RPS6KA5: variants seen among roughly 807,000 people sequenced by gnomAD.
RPS6KA5 encodes ribosomal protein S6 kinase A5, also known as ribosomal protein S6 kinase alpha-5.
In RPS6KA5, 27 loss-of-function variants were observed where a neutral mutation model predicts 85.5. That is an observed-to-expected ratio of 0.32 (90% CI 0.23 to 0.44). The LOEUF (loss-of-function observed/expected upper bound fraction) is 0.44, where lower values mean the gene tolerates loss of function less well. Among genes scored for constraint, RPS6KA5 ranks in the 20% least tolerant of loss-of-function variants. The pLI, the probability that RPS6KA5 is intolerant of heterozygous loss-of-function variation, is 1.00. For missense variants in RPS6KA5, 811 were observed against 980.9 expected, an observed-to-expected ratio of 0.83 and a Z score of 2.31; for synonymous variants, 334 against 348.2, an observed-to-expected ratio of 0.96 and a Z score of 0.46.
At position 90,962,588 on chromosome 14, in the gene RPS6KA5, A is replaced by C. The variant is rs570655809; in HGVS notation, c.395-15038T>G. Among the ~76,000 whole-genome samples, 741 of 147,460 alleles carry C rather than the reference A, an allele frequency of 5.0e-3. 3 individuals carry two copies. Among genetic ancestry groups the C allele is most frequent in the Middle Eastern group, 0.01 (3 of 288 alleles). On this transcript the variant is annotated intron_variant, in intron 3 of 16. Transcript: ENST00000614987. ...AGGAGTGAGCCACCATGCCCGGCCT[A>C]GATTTTTTTTTTTTTTGAGATAGGG... is the stretch of plus-strand genomic sequence containing the variant.
intron 5 of RPS6KA5, among the ~76,000 whole-genome samples, chr14:90,938,899 T>G (rs1440430827): frequency 6.6e-6 from 1 of 152,230 alleles, no homozygotes; most frequent in African/African-American, 2.4e-5. Context: ...CCACTTGTTA[T>G]AGTGATTAAC....
At chr14:90,879,427 G>C (rs989769589) in intron 14 of RPS6KA5, among the ~76,000 whole-genome samples, 2 of 152,242 alleles carry the variant, frequency 1.3e-5, no homozygotes, top group African/African-American at 4.8e-5. Context: ...ACTCAGCAAA[G>C]ATACCACCTG....
At chr14:91,036,683 T>C (rs1451629789) in intron 1 of RPS6KA5, among the ~76,000 whole-genome samples, 6 of 152,222 alleles carry the variant, frequency 3.9e-5, no homozygotes, top group African/African-American at 1.2e-4. Flanking sequence ...TGTGGGTAAC[T>C]GGAGCTCAAT....
At chr14:90,933,983 T>G (rs916316055) in intron 5 of RPS6KA5, among the ~76,000 whole-genome samples, 1 of 152,228 alleles carries the variant, frequency 6.6e-6, no homozygotes, top group Non-Finnish European at 1.5e-5. Context: ...ACTATCACCT[T>G]GGTGAAGCCT....
At chr14:90,905,192 T>G (rs1407606303) in intron 8 of RPS6KA5, among the ~76,000 whole-genome samples, 1 of 152,068 alleles carries the variant, frequency 6.6e-6, no homozygotes, top group Non-Finnish European at 1.5e-5. Context: ...AGAGCAGAGA[T>G]AACTCATTTC....
chr14:91,038,174 C>T (rs1349084965), intron 1 of RPS6KA5, among the ~76,000 whole-genome samples: 2 of 152,156 alleles, frequency 1.3e-5, no homozygotes, highest in Non-Finnish European at 2.9e-5. Flanking sequence ...GTTCAAGATT[C>T]TCAGGTCATC....
In RPS6KA5 at chr14:90,936,302, C is replaced by T. The variant is rs541790862; in HGVS notation, c.618+6776G>A. The stretch of plus-strand genomic sequence containing the variant: ...ATTATATGGGCTGGGCCTGGTGGCT[C>T]ATGCCTATAATCCCAGCACTTTGGG... On this transcript the variant is annotated intron_variant, in intron 5 of 16. Coordinates refer to ENST00000614987, the MANE Select transcript of RPS6KA5 (RefSeq NM_004755.4). 2.6e-5 allele frequency among the ~76,000 whole-genome samples: 4 copies of T among 152,306 alleles called. No homozygotes were observed. The South Asian group carries it at 8.3e-4, about 32-fold the overall frequency.
intron 1 of RPS6KA5, among the ~76,000 whole-genome samples, chr14:91,010,433 T>A (rs1033823598): frequency 6.6e-6 from 1 of 152,206 alleles, no homozygotes; most frequent in South Asian, 2.1e-4. Flanking sequence ...GGAGATTTCA[T>A]AGAGCCATAA....
At position 90,857,346 on chromosome 14, in the gene RPS6KA5, C is replaced by T. The variant is rs184197029; in HGVS notation, c.*14728G>A. The T allele has an allele frequency of 5.3e-4, 80 of 152,230 alleles. 1 individual carries two copies. The highest frequency in any genetic ancestry group is 1.9e-3 in the African/African-American group (79 of 41,556). 9.4% of individuals were successfully genotyped at this position (152,230 alleles called of 1,614,324 possible). A position where few individuals can be genotyped will look rare whatever the true frequency, so the allele number is the denominator to read the frequency against. ...ACCACCAAGCCATTTTTTGGTATCA[C>T]GAAGCATTTAATAAGTGCTTAGTTG... On this transcript the variant is annotated 3_prime_UTR_variant, in exon 17 of 17. Transcript: ENST00000614987.
chr14:90,908,689 C>T (rs2035642914), intron 7 of RPS6KA5, among the ~76,000 whole-genome samples: 1 of 152,172 alleles, frequency 6.6e-6, no homozygotes, highest in Admixed American at 6.5e-5. Flanking sequence ...AAAGTGATCC[C>T]AGATGTAACT....
chr14:91,044,357 AAGAAAGAGAAAGAAAGAAGG>A (rs2042744299), intron 1 of RPS6KA5, among the ~76,000 whole-genome samples: 1 of 18,448 alleles, frequency 5.4e-5, no homozygotes, highest in African/African-American at 1.6e-4. Context: ...GAAAGAAAGA[AAGAAAGAGAAAGAAAGAAGG>A]AAAGAAAGAA....
chr14:91,058,548 A>T (rs1022762016), intron 1 of RPS6KA5, among the ~76,000 whole-genome samples: 1 of 152,262 alleles, frequency 6.6e-6, no homozygotes, highest in East Asian at 1.9e-4. Context: ...GATTCCATAC[A>T]TATAAATCAG....
chr14:91,002,175 A>T (rs1330565580), intron 1 of RPS6KA5, among the ~76,000 whole-genome samples: 1 of 152,154 alleles, frequency 6.6e-6, no homozygotes, highest in African/African-American at 2.4e-5. Flanking sequence ...AGTTCCCAAT[A>T]ATGTAAAATG....
chr14:90,997,274 A>T (rs779778724), intron 2 of RPS6KA5, among the ~76,000 whole-genome samples: 11 of 152,254 alleles, frequency 7.2e-5, no homozygotes, highest in Non-Finnish European at 1.5e-4. Flanking sequence ...CTTGTATTCA[A>T]AATATTTAAA....
intron 1 of RPS6KA5, among the ~76,000 whole-genome samples, chr14:91,026,396 A>G (rs1417837950): frequency 6.6e-6 from 1 of 151,662 alleles, no homozygotes; most frequent in Non-Finnish European, 1.5e-5. Flanking sequence ...ATACCTAGCT[A>G]ATTTTTTTTT....
intron 13 of RPS6KA5, among the ~76,000 whole-genome samples, chr14:90,891,998 CTT>C (rs11351056): frequency 1.5e-3 from 212 of 139,176 alleles, no homozygotes; most frequent in Admixed American, 1.5e-3. Flanking sequence ...GATTTTAGTT[CTT>C]TTTTTTTTTT....
Position 90,873,716 on chromosome 14 carries a change from C to T in RPS6KA5, c.2076G>A (p.Gln692=). ...RYNEWLQDGS[Q]LSSNPLMTPD... is the part of the protein sequence containing the mutation. Reference sequence around the variant, plus strand: ...GAGTCATCAGAGGATTGGAGGACAGCTGACTTCCATCTTGTAGCCATTCAT... The same window carrying T: ...GAGTCATCAGAGGATTGGAGGACAGTTGACTTCCATCTTGTAGCCATTCAT... Residue 692 remains glutamine (Q), a synonymous_variant, in exon 16 of 17, where the codon CAG becomes CAA. Transcript: ENST00000614987. The T allele has an allele frequency of 6.2e-7, 1 of 1,614,128 alleles. No individual in the cohort carries two copies. The highest frequency in any genetic ancestry group is 8.5e-7 in the Non-Finnish European group (1 of 1,179,984).
chr14:90,904,869 A>G (rs2035415995), intron 8 of RPS6KA5, among the ~76,000 whole-genome samples: 1 of 152,208 alleles, frequency 6.6e-6, no homozygotes, highest in African/African-American at 2.4e-5. Flanking sequence ...GACATCCTGC[A>G]ATATTCCCAA....
chr14:90,877,593 T>C (rs1017914754), intron 14 of RPS6KA5, among the ~76,000 whole-genome samples: 1 of 152,216 alleles, frequency 6.6e-6, no homozygotes, highest in Admixed American at 6.5e-5. Context: ...CTTGCCTTTC[T>C]TTTTCAGCCT....
Sources: gnomAD v4.1 joint callset for allele counts (sites outside exome capture counted in the v4.1 genomes callset) on GRCh38, gnomAD v4.1.1 for gene constraint, MANE v1.5 for transcripts, NCBI Gene and HGNC (gene_info 2026-07-23, HGNC 2026-07-21) for gene names.